C8orf34: variants seen among roughly 807,000 people sequenced by gnomAD.
The protein encoded by C8orf34 is chromosome 8 open reading frame 34.
C8orf34 carries 65 observed loss-of-function variants against 68.3 expected under a neutral mutation model. The observed-to-expected ratio is 0.95, with a 90% confidence interval of 0.78 to 1.17. C8orf34 has a LOEUF of 1.17. Ranked by LOEUF, C8orf34 falls within the 50% of genes most tolerant of loss-of-function variation. C8orf34 has a pLI of 0.00. For synonymous variants in C8orf34, 244 were observed against 241.2 expected (o/e 1.01, Z -0.11); for missense variants, 664 against 655.4 (o/e 1.01, Z -0.14).
chr8:68,629,547 C>A (rs1818629238), intron 7 of C8orf34, among the ~76,000 whole-genome samples: 1 of 152,094 alleles, frequency 6.6e-6, no homozygotes, highest in African/African-American at 2.4e-5. Flanking sequence ...TTCCAAAAGT[C>A]AATCCTATGT....
intron 2 of C8orf34, among the ~76,000 whole-genome samples, chr8:68,442,379 T>G (rs1453628741): frequency 6.6e-6 from 1 of 152,146 alleles, no homozygotes; most frequent in African/African-American, 2.4e-5. Context: ...ATTGTTAATT[T>G]ACTCTAGCAG....
At chr8:68,446,531 G>A (rs1457406611) in intron 3 of C8orf34, 71 bp downstream of exon 3, 1 of 1,504,634 alleles carries the variant, frequency 6.6e-7, no homozygotes, top group South Asian at 1.3e-5. Flanking sequence ...TGAAGAAAAG[G>A]TATTAATTGA....
At chr8:68,572,254 C>T (rs1417068241) in intron 7 of C8orf34, among the ~76,000 whole-genome samples, 1 of 151,960 alleles carries the variant, frequency 6.6e-6, no homozygotes, top group Non-Finnish European at 1.5e-5. Context: ...CACACACACA[C>T]ACACACACAC....
At chr8:68,773,546 A>G (rs1823413820) in intron 10 of C8orf34, among the ~76,000 whole-genome samples, 1 of 151,996 alleles carries the variant, frequency 6.6e-6, no homozygotes, top group Non-Finnish European at 1.5e-5. Context: ...GATTACAGGT[A>G]CACCACCAAG....
intron 4 of C8orf34, among the ~76,000 whole-genome samples, chr8:68,472,104 TA>T (rs1812404280): frequency 6.6e-6 from 1 of 152,072 alleles, no homozygotes; most frequent in South Asian, 2.1e-4. Context: ...AAGTCAATCA[TA>T]AACTGTGGCA....
intron 10 of C8orf34, among the ~76,000 whole-genome samples, chr8:68,735,390 G>A (rs1168717631): frequency 1.3e-5 from 2 of 152,164 alleles, no homozygotes; most frequent in African/African-American, 4.8e-5. Flanking sequence ...GAGCATTAAC[G>A]ATAACACGTA....
chr8:68,362,619 C>T (rs905308943), intron 1 of C8orf34, among the ~76,000 whole-genome samples: 1 of 152,168 alleles, frequency 6.6e-6, no homozygotes, highest in African/African-American at 2.4e-5. Flanking sequence ...GGGAGGCACC[C>T]CCCAGCAGGG....
chr8:68,757,633 A>C (rs575083609), intron 10 of C8orf34, among the ~76,000 whole-genome samples: 11 of 152,210 alleles, frequency 7.2e-5, no homozygotes, highest in African/African-American at 2.6e-4. Context: ...AAAAATAAAT[A>C]AATAAATAAA....
chr8:68,756,778 A>G (rs1822875156), intron 10 of C8orf34, among the ~76,000 whole-genome samples: 1 of 152,202 alleles, frequency 6.6e-6, no homozygotes. Context: ...GTATCAGTAA[A>G]TAAATATTCT....
At chr8:68,783,623 C>T (rs1046595695) in intron 11 of C8orf34, among the ~76,000 whole-genome samples, 53 of 152,070 alleles carry the variant, frequency 3.5e-4, no homozygotes, top group African/African-American at 1.0e-3. Context: ...CTCTCACCTA[C>T]CTGAGATCTG....
In C8orf34 at chr8:68,650,214, T is replaced by C. The variant is rs980215749; in HGVS notation, c.1241+9703T>C. Among the ~76,000 whole-genome samples the C allele has an allele frequency of 2.0e-5, 3 of 151,162 alleles. No individual in the cohort carries two copies. In the South Asian group the frequency reaches 6.3e-4, roughly 32 times the overall value. On this transcript the variant is annotated intron_variant, in intron 8 of 13. Coordinates refer to ENST00000518698, the MANE Select transcript of C8orf34 (RefSeq NM_052958.4). ...CTGAGGTGATACCCGAGGTTCGTTG[T>C]CCCATGGCCGTGGAAAATTAGGATG...
intron 7 of C8orf34, among the ~76,000 whole-genome samples, chr8:68,616,654 A>G (rs950671468): frequency 2.0e-5 from 3 of 152,108 alleles, no homozygotes; most frequent in Non-Finnish European, 4.4e-5. Flanking sequence ...GGTCTGAGAG[A>G]CAGTTTGTTA....
chr8:68,577,888 C>T (rs924570085), intron 7 of C8orf34, among the ~76,000 whole-genome samples: 12 of 150,878 alleles, frequency 8.0e-5, no homozygotes, highest in African/African-American at 1.9e-4. Context: ...ATTTAGCATA[C>T]AAACACGAAA....
chr8:68,563,385 T>A (rs1816492019), intron 7 of C8orf34, among the ~76,000 whole-genome samples: 1 of 152,120 alleles, frequency 6.6e-6, no homozygotes, highest in Non-Finnish European at 1.5e-5. Context: ...AGGTTCAGAC[T>A]GAGTCAGGAA....
intron 5 of C8orf34, among the ~76,000 whole-genome samples, chr8:68,520,791 A>T (rs1450239631): frequency 1.3e-5 from 2 of 152,144 alleles, no homozygotes; most frequent in Non-Finnish European, 2.9e-5. Context: ...AGAATTGTTC[A>T]AGACTATTGT....
intron 4 of C8orf34, among the ~76,000 whole-genome samples, chr8:68,483,555 G>T (rs1392966197): frequency 6.6e-6 from 1 of 152,136 alleles, no homozygotes; most frequent in Non-Finnish European, 1.5e-5. Context: ...CTAATGGCAG[G>T]ATTTATGGTA....
At chr8:68,627,867 TG>T (rs1381954402) in intron 7 of C8orf34, among the ~76,000 whole-genome samples, 2 of 152,210 alleles carry the variant, frequency 1.3e-5, no homozygotes. Context: ...CTATTGAGTT[TG>T]GCTATTGATG....
Position 68,331,242 on chromosome 8 carries a change from C to A in C8orf34, c.230C>A (p.Ala77Glu). 1.3e-6 allele frequency: 2 copies of A among 1,536,322 alleles called. No homozygotes were observed. Among genetic ancestry groups the A allele is most frequent in the Non-Finnish European group, 1.7e-6 (2 of 1,146,952 alleles). ...GGCGCACAGCCGCGCGTTCTCCCTG[C>A]ACTCTCTTCGCGGTCCCATCTGTTC... ...SGGAQPRVLP[A>E]LSSRSHLFPM... Residue 77 changes from alanine (A) to glutamate (E), a missense_variant, in exon 1 of 14, where the codon GCA becomes GAA. Ala to Glu is a moderately radical substitution (Grantham distance 107, BLOSUM62 -1). Coordinates refer to ENST00000518698, the MANE Select transcript of C8orf34 (RefSeq NM_052958.4).
At chr8:68,541,657 C>T (rs2129941118) in intron 7 of C8orf34, among the ~76,000 whole-genome samples, 1 of 152,230 alleles carries the variant, frequency 6.6e-6, no homozygotes, top group Middle Eastern at 3.4e-3. Flanking sequence ...TAGAAATGCT[C>T]CACATAGTTA....
Sources: allele counts gnomAD v4.1 joint callset (sites outside exome capture counted in the v4.1 genomes callset), GRCh38; gene constraint gnomAD v4.1.1; transcripts MANE v1.5; gene names NCBI Gene and HGNC (gene_info 2026-07-23, HGNC 2026-07-21).